The following PTPRN2 variants were observed in gnomAD, a reference collection of about 807,000 sequenced individuals.
PTPRN2 encodes receptor-type tyrosine-protein phosphatase N2.
A neutral mutation model predicts 118.8 loss-of-function variants in PTPRN2; 74 were observed. That is an observed-to-expected ratio of 0.62 (90% CI 0.52 to 0.76). PTPRN2 has a LOEUF of 0.76. Ranked by LOEUF, PTPRN2 falls within the 30% of genes least tolerant of loss-of-function variation. The pLI is 0.00. For synonymous variants in PTPRN2, 641 were observed against 608.0 expected (o/e 1.05, Z -0.80); for missense variants, 1,481 against 1,394.4 (o/e 1.06, Z -0.99).
At chr7:158,177,624 A>C (rs994450642) in intron 5 of PTPRN2, among the ~76,000 whole-genome samples, 1 of 152,152 alleles carries the variant, frequency 6.6e-6, no homozygotes, top group Non-Finnish European at 1.5e-5. Context: ...CAGCTTTCCA[A>C]ACTGGAATTA....
intron 3 of PTPRN2, among the ~76,000 whole-genome samples, chr7:158,289,675 G>T (rs1260060975): frequency 2.0e-5 from 2 of 101,104 alleles, no homozygotes; most frequent in Non-Finnish European, 4.2e-5. Context: ...GGAGTCTGCT[G>T]CTGGGAGATT....
At chr7:158,440,106 C>T (rs1226928617) in intron 2 of PTPRN2, among the ~76,000 whole-genome samples, 2 of 152,220 alleles carry the variant, frequency 1.3e-5, no homozygotes, top group Admixed American at 1.3e-4. Flanking sequence ...TCTGAGTGGA[C>T]ATTTCTCCCA....
rs1201563180 is a variant in PTPRN2, at chr7:157,676,885, G to A, written c.2001+5840C>T. ...GAGCGACCCTGGCTTTGACGAGAAG[G>A]AAGTGTTCTCTGGTTCTGGCAGAGA... On this transcript the variant is annotated intron_variant, in intron 13 of 22. Coordinates refer to ENST00000389418, the MANE Select transcript of PTPRN2 (RefSeq NM_002847.5). This position sits in a 1 kb window ranked among gnomAD's most constrained non-coding sequence, Gnocchi z 5.6. Among the ~76,000 whole-genome samples, 1 of 152,054 alleles carries A rather than the reference G, an allele frequency of 6.6e-6. No homozygotes were observed. The highest frequency in any genetic ancestry group is 1.5e-5 in the Non-Finnish European group (1 of 68,004).
At chr7:158,157,532 G>C (rs574036066) in intron 6 of PTPRN2, among the ~76,000 whole-genome samples, 1 of 152,314 alleles carries the variant, frequency 6.6e-6, no homozygotes, top group South Asian at 2.1e-4. Flanking sequence ...GCAGAAGTCG[G>C]GGAGCCTCCT....
intron 2 of PTPRN2, among the ~76,000 whole-genome samples, chr7:158,363,388 A>T (rs1809164814): frequency 6.6e-6 from 1 of 152,096 alleles, no homozygotes; most frequent in East Asian, 1.9e-4. Context: ...AGTCACACCC[A>T]CGCTGGAACC....
At chr7:157,746,667 C>T (rs1336026676) in intron 12 of PTPRN2, among the ~76,000 whole-genome samples, 17 of 152,204 alleles carry the variant, frequency 1.1e-4, no homozygotes, top group Non-Finnish European at 2.2e-4. Context: ...ACAGTCTTCA[C>T]GGGGCCCTGA....
At chr7:157,673,672 T>G (rs1796520662) in intron 13 of PTPRN2, among the ~76,000 whole-genome samples, 1 of 144,878 alleles carries the variant, frequency 6.9e-6, no homozygotes, top group Non-Finnish European at 1.6e-5. Flanking sequence ...CCCCTCTCTC[T>G]CTGAGCTCAG....
At chr7:158,342,039 A>T (rs1806947187) in intron 2 of PTPRN2, among the ~76,000 whole-genome samples, 1 of 140,590 alleles carries the variant, frequency 7.1e-6, no homozygotes, top group South Asian at 2.2e-4. Context: ...TCACCATAAG[A>T]GCTGACACCC....
At chr7:158,562,546 G>A (rs1445703134) in intron 1 of PTPRN2, among the ~76,000 whole-genome samples, 1 of 152,108 alleles carries the variant, frequency 6.6e-6, no homozygotes, top group South Asian at 2.1e-4. Context: ...TCAATGCAGC[G>A]AAACCCAGGG....
Position 157,691,943 on chromosome 7 carries a change from G to A in PTPRN2, c.1789-9006C>T, listed in dbSNP as rs544667645. ...GCCACAGGTTGGGGCACCCCGGTGC[G>A]CGGCGCCCCCGCGGAGCTGGCGAGA... On this transcript the variant is annotated intron_variant, in intron 12 of 22. Coordinates refer to ENST00000389418, the MANE Select transcript of PTPRN2 (RefSeq NM_002847.5). Among the ~76,000 whole-genome samples, 5 of 152,176 alleles carry A rather than the reference G, an allele frequency of 3.3e-5. No homozygotes were observed. The South Asian group carries it at 1.0e-3, about 32-fold the overall frequency.
intron 12 of PTPRN2, among the ~76,000 whole-genome samples, chr7:157,712,873 G>A (rs1244502625): frequency 6.6e-6 from 1 of 152,144 alleles, no homozygotes; most frequent in Non-Finnish European, 1.5e-5. Context: ...ACTGGGAGCT[G>A]TCAGGTGCTG....
Position 157,629,772 on chromosome 7 carries a change from C to T in PTPRN2, c.2197-8263G>A, listed in dbSNP as rs1803825950. 6.6e-6 allele frequency among the ~76,000 whole-genome samples: 1 copy of T among 152,212 alleles called. No individual in the cohort carries two copies. The highest frequency in any genetic ancestry group is 2.1e-4 in the South Asian group (1 of 4,828). On this transcript the variant is annotated intron_variant, in intron 14 of 22. Transcript: ENST00000389418. This position sits in a 1 kb window ranked among gnomAD's most constrained non-coding sequence, Gnocchi z 4.4. Reference sequence around the variant, plus strand: ...ACTGGGAAGGCTATACTTCTCTTTTCTACAATGGCGCCTATTGCAGCACAA... The same window carrying T: ...ACTGGGAAGGCTATACTTCTCTTTTTTACAATGGCGCCTATTGCAGCACAA...
chr7:157,839,366 C>T lies in PTPRN2; in HGVS notation c.1788+59307G>A, dbSNP rs139443009. ...TGTATGACTGTGTGTGTCTGTGTGGCTGTGTGGGAGTGTGTATGTGGTGGA... is the reference window on the plus strand; with the variant it reads ...TGTATGACTGTGTGTGTCTGTGTGGTTGTGTGGGAGTGTGTATGTGGTGGA... On this transcript the variant is annotated intron_variant, in intron 12 of 22. Transcript: ENST00000389418. Among the ~76,000 whole-genome samples, 1,391 of 151,732 alleles carry T rather than the reference C, an allele frequency of 9.2e-3. 20 individuals are homozygous for T. The highest frequency in any genetic ancestry group is 0.032 in the African/African-American group (1,311 of 41,344).
At chr7:158,337,265 C>A (rs62481673) in intron 2 of PTPRN2, among the ~76,000 whole-genome samples, 1 of 145,752 alleles carries the variant, frequency 6.9e-6, no homozygotes, top group South Asian at 2.2e-4. Context: ...CACCTGCAGA[C>A]GTCACTCAAA....
chr7:157,800,670 C>G (rs1362570642), intron 12 of PTPRN2, among the ~76,000 whole-genome samples: 1 of 152,034 alleles, frequency 6.6e-6, no homozygotes, highest in Non-Finnish European at 1.5e-5. Context: ...ATATGAATAC[C>G]TGCCGGGTGC....
chr7:157,867,826 C>T (rs1023767784), intron 12 of PTPRN2, among the ~76,000 whole-genome samples: 6 of 152,182 alleles, frequency 3.9e-5, no homozygotes, highest in African/African-American at 7.2e-5. Context: ...TGCATGGGCC[C>T]GAGGAGCTGG....
chr7:157,791,703 CAA>C (rs1181842479), intron 12 of PTPRN2, among the ~76,000 whole-genome samples: 1 of 152,072 alleles, frequency 6.6e-6, no homozygotes, highest in Non-Finnish European at 1.5e-5. Flanking sequence ...CACTTGGCAA[CAA>C]AAAAAGTTTG....
intron 19 of PTPRN2, among the ~76,000 whole-genome samples, chr7:157,574,914 A>G (rs978888068): frequency 1.3e-5 from 2 of 152,268 alleles, no homozygotes; most frequent in African/African-American, 4.8e-5. Flanking sequence ...GTGCCAGGTA[A>G]GGCAGGCAAG....
intron 2 of PTPRN2, among the ~76,000 whole-genome samples, chr7:158,353,102 C>G (rs1180111513): frequency 2.0e-5 from 3 of 152,204 alleles, no homozygotes; most frequent in Non-Finnish European, 2.9e-5. Flanking sequence ...CACTCAGGAC[C>G]CTTCATTTTA....
Sources: allele counts gnomAD v4.1 joint callset (sites outside exome capture counted in the v4.1 genomes callset), GRCh38; gene constraint gnomAD v4.1.1; non-coding constraint Gnocchi (gnomAD v3.1); transcripts MANE v1.5; gene names NCBI Gene and HGNC (gene_info 2026-07-23, HGNC 2026-07-21).